Variants in LCOR observed in about 807,000 individuals in gnomAD.
The protein encoded by LCOR is ligand-dependent corepressor.
A neutral mutation model predicts 64.4 loss-of-function variants in LCOR; 14 were observed. The observed-to-expected ratio is 0.22, with a 90% CI of 0.14 to 0.34. The LOEUF is 0.34. Among genes scored for constraint, LCOR ranks in the 10% least tolerant of loss-of-function variants. LCOR has a pLI of 1.00. For synonymous variants in LCOR, 643 were observed against 642.5 expected, an observed-to-expected ratio of 1.00 and a Z score of -0.01; for missense variants, 1,686 against 1,765.3, an observed-to-expected ratio of 0.96 and a Z score of 0.80.
At chr10:96,958,446 C>A in intron 7 of LCOR, 1 of 1,228,478 alleles carries the variant, frequency 8.1e-7, no homozygotes, top group Non-Finnish European at 1.2e-6. Flanking sequence ...AATGGTGTGC[C>A]TACCCTTTAA....
At chr10:96,965,182 T>G (rs928891634) in intron 7 of LCOR, among the ~76,000 whole-genome samples, 1 of 151,242 alleles carries the variant, frequency 6.6e-6, no homozygotes, top group Non-Finnish European at 1.5e-5. Context: ...CTAATTTTTT[T>G]GCATTTTTAG....
chr10:96,949,032 A>C lies in LCOR; in HGVS notation c.-26A>C. ...GACAGTCCCTGGGTCTCCGACCCCA[A>C]TATTCCCCTAGTGGCCCGTGAGATC... is the stretch of plus-strand genomic sequence containing the variant. On this transcript the variant is annotated 5_prime_UTR_variant, in exon 6 of 8. Transcript: ENST00000421806. 6.2e-7 allele frequency: 1 copy of C among 1,613,144 alleles called. No homozygotes were observed. Among genetic ancestry groups the C allele is most frequent in the Non-Finnish European group, 8.5e-7 (1 of 1,179,488 alleles).
rs1278859234 is a variant in LCOR, at chr10:96,983,385, A to T, written c.2925A>T (p.Ala975=). The change falls in exon 8 of 8, where the codon GCA becomes GCT. Residue 975 remains alanine (A), a synonymous_variant. Transcript: ENST00000421806. The surrounding 1 kb of genome is among the most constrained non-coding windows in gnomAD (Gnocchi z 4.5). ...SIACKRDPEQ[A]KEEPGHIPTQ... is the part of the protein sequence containing the mutation. The stretch of plus-strand genomic sequence containing the variant: ...CTTGTAAGAGGGACCCAGAACAGGC[A>T]AAAGAAGAGCCAGGGCATATTCCCA... The T allele has an allele frequency of 6.2e-7, 1 of 1,614,210 alleles. No individual in the cohort carries two copies. Among genetic ancestry groups the T allele is most frequent in the African/African-American group, 1.3e-5 (1 of 75,046 alleles).
At chr10:96,875,616 C>T (rs149092479) in intron 2 of LCOR, among the ~76,000 whole-genome samples, 11 of 152,082 alleles carry the variant, frequency 7.2e-5, no homozygotes, top group African/African-American at 2.4e-4. Flanking sequence ...AATCCCAGCT[C>T]TTTGGGAGGC....
intron 2 of LCOR, among the ~76,000 whole-genome samples, chr10:96,854,602 C>T (rs1445164987): frequency 6.6e-6 from 1 of 152,200 alleles, no homozygotes; most frequent in East Asian, 1.9e-4. Context: ...GCTGGGATTA[C>T]AGGCTTGAGC....
intron 5 of LCOR, among the ~76,000 whole-genome samples, chr10:96,944,949 T>TTACC (rs1393374167): frequency 2.0e-5 from 3 of 152,162 alleles, no homozygotes; most frequent in Non-Finnish European, 4.4e-5. Context: ...CAAAGCATAA[T>TTACC]TACCATCAGC....
intron 7 of LCOR, chr10:96,957,836 G>A (rs879798447): frequency 1.5e-4 from 143 of 985,666 alleles, no homozygotes; most frequent in Non-Finnish European, 1.7e-4. Context: ...GTTATTTTGT[G>A]TAGCAGTTTA....
intron 2 of LCOR, among the ~76,000 whole-genome samples, chr10:96,876,341 T>G (rs559508034): frequency 4.6e-5 from 7 of 152,304 alleles, no homozygotes; most frequent in African/African-American, 1.7e-4. Context: ...TCCTAATTAC[T>G]TTCCAAAGGC....
rs1025632918 is a variant in LCOR, at chr10:96,958,725, A to T, written c.332+6529A>T. The T allele has an allele frequency of 1.1e-5, 4 of 355,982 alleles. No individual in the cohort carries two copies. In the East Asian group the frequency reaches 1.3e-4, roughly 12 times the overall value. The allele number at this position is 355,982 out of a possible 1,614,324, so 22.1% of individuals were successfully genotyped here. A position where few individuals can be genotyped will look rare whatever the true frequency, so the allele number is the denominator to read the frequency against. On this transcript the variant is annotated intron_variant, in intron 7 of 7. Transcript: ENST00000421806. The stretch of plus-strand genomic sequence containing the variant: ...TTTTCCAAGAAGCTTTTGAATAAGC[A>T]TATTTCCTCCAAAGGTCTCTCTCTT...
At chr10:96,875,044 C>T (rs1373032190) in intron 2 of LCOR, among the ~76,000 whole-genome samples, 2 of 151,724 alleles carry the variant, frequency 1.3e-5, no homozygotes, top group East Asian at 3.9e-4. Context: ...TCCACCCCCA[C>T]CCCTTAAAAT....
chr10:96,915,607 C>G, intron 4 of LCOR: 1 of 834,958 alleles, frequency 1.2e-6, no homozygotes, highest in Non-Finnish European at 2.0e-6. Context: ...CAGAAGTACA[C>G]AGTTATCAAA....
rs550218129 is a variant in LCOR at position 96,850,603 on chromosome 10, CAG to C, written c.-330+17125_-330+17126del. On this transcript the variant is annotated intron_variant, in intron 2 of 7. Transcript: ENST00000421806. Reference sequence around the variant, plus strand: ...CTGAGCTCAAGTGATCCTCTCACCTCAGCCTCCTGAGTATGGGACTACAGGTA... The same window carrying C: ...CTGAGCTCAAGTGATCCTCTCACCTCCCTCCTGAGTATGGGACTACAGGTA... 1.3e-3 allele frequency among the ~76,000 whole-genome samples: 200 copies of C among 152,248 alleles called. 1 individual carries two copies. Among genetic ancestry groups the C allele is most frequent in the Non-Finnish European group, 2.4e-3 (164 of 68,010 alleles).
intron 4 of LCOR, among the ~76,000 whole-genome samples, chr10:96,941,003 C>T (rs1283782219): frequency 4.6e-5 from 6 of 131,300 alleles, no homozygotes; most frequent in East Asian, 4.8e-4. Context: ...CCGGATGGGG[C>T]GGCCGGCCGG....
intron 4 of LCOR, among the ~76,000 whole-genome samples, chr10:96,927,968 T>G (rs754834276): frequency 5.3e-5 from 8 of 152,228 alleles, no homozygotes; most frequent in Non-Finnish European, 1.0e-4. Flanking sequence ...ACAATGTATA[T>G]AACCTAAGAA....
At chr10:96,847,733 CT>C (rs1356876209) in intron 2 of LCOR, among the ~76,000 whole-genome samples, 2 of 152,130 alleles carry the variant, frequency 1.3e-5, no homozygotes, top group Admixed American at 1.3e-4. Flanking sequence ...TGAACCACCC[CT>C]CCCAGCCTGG....
At chr10:96,964,735 G>A (rs1847930853) in intron 7 of LCOR, among the ~76,000 whole-genome samples, 1 of 152,062 alleles carries the variant, frequency 6.6e-6, no homozygotes, top group Non-Finnish European at 1.5e-5. Flanking sequence ...AATGTATTCA[G>A]CTAAACAAGA....
intron 3 of LCOR, among the ~76,000 whole-genome samples, 162 bp from the exon 4 acceptor site, chr10:96,907,506 A>G (rs1406441768): frequency 6.6e-6 from 1 of 152,158 alleles, no homozygotes; most frequent in Non-Finnish European, 1.5e-5. Flanking sequence ...TAATGTATTA[A>G]CTAGTGAGCA....
intron 2 of LCOR, among the ~76,000 whole-genome samples, chr10:96,872,539 G>C (rs962102767): frequency 6.6e-5 from 10 of 152,234 alleles, no homozygotes; most frequent in South Asian, 2.1e-4. Flanking sequence ...CAAAAAATCA[G>C]CTGGGCTTGG....
At chr10:96,853,534 A>G (rs934318627) in intron 2 of LCOR, among the ~76,000 whole-genome samples, 2 of 152,202 alleles carry the variant, frequency 1.3e-5, no homozygotes, top group African/African-American at 2.4e-5. Flanking sequence ...AATCTGGTCT[A>G]GGCTTGCTCA....
Sources: allele counts gnomAD v4.1 joint callset (sites outside exome capture counted in the v4.1 genomes callset), GRCh38; gene constraint gnomAD v4.1.1; non-coding constraint Gnocchi (gnomAD v3.1); transcripts MANE v1.5; gene names NCBI Gene and HGNC (gene_info 2026-07-23, HGNC 2026-07-21).